Variants in NLRP11 observed in about 807,000 individuals in gnomAD.
The protein encoded by NLRP11 is NLR family pyrin domain containing 11, also known as NACHT, LRR and PYD domains-containing protein 11.
NLRP11 carries 53 observed loss-of-function variants against 79.3 expected under a neutral mutation model. That is an observed-to-expected ratio of 0.67 (90% CI 0.54 to 0.84). NLRP11 has a LOEUF of 0.84. Ranked by LOEUF, NLRP11 falls within the 40% of genes least tolerant of loss-of-function variation. The pLI, the probability that NLRP11 is intolerant of heterozygous loss-of-function variation, is 0.00. For synonymous variants in NLRP11, 518 were observed against 462.6 expected (o/e 1.12, Z -1.54); for missense variants, 1,264 against 1,255.0 (o/e 1.01, Z -0.11).
chr19:55,835,088 T>C (rs1280728050), upstream of NLRP11, among the ~76,000 whole-genome samples: 1 of 152,150 alleles, frequency 6.6e-6, no homozygotes, highest in African/African-American at 2.4e-5. Flanking sequence ...CCACAGAGAC[T>C]TGTGTTATGG....
At position 55,788,995 on chromosome 19, in the gene NLRP11, A is replaced by G; in HGVS notation, c.2685-18T>C. 6.2e-7 allele frequency: 1 copy of G among 1,613,482 alleles called. No homozygotes were observed. Among genetic ancestry groups the G allele is most frequent in the Non-Finnish European group, 8.5e-7 (1 of 1,179,522 alleles). Reference sequence around the variant, plus strand: ...CTTCTAGCCTGCAACGAAGATGCACAGGTAAGGTGGGGCCAAATCCTTGAG... The same window carrying G: ...CTTCTAGCCTGCAACGAAGATGCACGGGTAAGGTGGGGCCAAATCCTTGAG... On this transcript the variant is annotated intron_variant, in intron 8 of 9. Coordinates refer to ENST00000589093, the Ensembl canonical transcript of NLRP11.
chr19:55,812,501 T>C (rs62127046), intron 2 of NLRP11, among the ~76,000 whole-genome samples: 4,777 of 152,274 alleles, frequency 0.031, 110 homozygotes, highest in Non-Finnish European at 0.049. Flanking sequence ...TGAAAAGGTA[T>C]TCAACATCAC....
At chr19:55,805,542 T>TG (rs1269792484) in intron 4 of NLRP11, among the ~76,000 whole-genome samples, 1 of 151,820 alleles carries the variant, frequency 6.6e-6, no homozygotes, top group Non-Finnish European at 1.5e-5. Context: ...GGTTTTGTTT[T>TG]TTTTTTTAAA....
chr19:55,801,508 C>G, intron 5 of NLRP11, 64 bp downstream of exon 5: 7 of 1,358,860 alleles, frequency 5.2e-6, no homozygotes, highest in Non-Finnish European at 7.3e-6. Flanking sequence ...AGGGGCACCT[C>G]TATCCACCAA....
In NLRP11 at chr19:55,809,707, C is replaced by T. The variant is rs149331181; in HGVS notation, c.903G>A (p.Ser301=). Reference sequence around the variant, plus strand: ...TAAAATATATCTCCCTCTTCCCATTCGACAGCTGCAAGGTCGTGCAGCAAT... The same window carrying T: ...TAAAATATATCTCCCTCTTCCCATTTGACAGCTGCAAGGTCGTGCAGCAAT... The change falls in exon 3 of 10, where the codon TCG becomes TCA. Residue 301 remains serine (S), a synonymous_variant. Coordinates refer to ENST00000589093, the Ensembl canonical transcript of NLRP11. This position sits in a 1 kb window ranked among gnomAD's most constrained non-coding sequence, Gnocchi z 4.5. 22 of 1,614,150 alleles carry T rather than the reference C, an allele frequency of 1.4e-5. No homozygotes were observed. In the African/African-American group the frequency reaches 1.5e-4, roughly 11 times the overall value.
intron 6 of NLRP11, among the ~76,000 whole-genome samples, chr19:55,795,787 C>T (rs548534110): frequency 4.6e-5 from 7 of 152,072 alleles, no homozygotes; most frequent in East Asian, 1.9e-4. Flanking sequence ...CGCGTCCGGC[C>T]GTGACCACCA....
chr19:55,793,238 G>A (rs1978455059), intron 6 of NLRP11, among the ~76,000 whole-genome samples: 1 of 152,020 alleles, frequency 6.6e-6, no homozygotes, highest in Non-Finnish European at 1.5e-5. Flanking sequence ...CACTGGCAGT[G>A]AGCTGCACTT....
chr19:55,824,800 C>T lies in NLRP11; in HGVS notation c.-62-6564G>A, dbSNP rs1488135294. On this transcript the variant is annotated intron_variant, in intron 1 of 9. Transcript: ENST00000589093. ...ACCTACAAAGAGACTTACACTCCCA[C>T]GCATTAATAATGGGAGACGTTAACA... Among the ~76,000 whole-genome samples, 5 of 103,798 alleles carry T rather than the reference C, an allele frequency of 4.8e-5. 1 individual carries two copies. The East Asian group carries it at 1.4e-3, about 29-fold the overall frequency. The allele number at this position is 103,798 out of a possible 152,430, so 68.1% of individuals were successfully genotyped here. A position where few individuals can be genotyped will look rare whatever the true frequency, so the allele number is the denominator to read the frequency against.
chr19:55,822,831 G>C (rs1447558378), intron 1 of NLRP11, among the ~76,000 whole-genome samples: 1 of 152,140 alleles, frequency 6.6e-6, no homozygotes, highest in Non-Finnish European at 1.5e-5. Context: ...CAGCTAGGCT[G>C]GGGGAGGGGC....
chr19:55,789,202 A>G lies in NLRP11; in HGVS notation c.2684+27T>C, dbSNP rs545829863. 7 of 1,590,112 alleles carry G rather than the reference A, an allele frequency of 4.4e-6. No homozygotes were observed. In the South Asian group the frequency reaches 8.1e-5, roughly 18 times the overall value. ...TCTTCAGCTGTTGCTAGCTAAAGGC[A>G]GGGATCTTTCTCCACCAGGCACCTA... On this transcript the variant is annotated intron_variant, in intron 8 of 9. Coordinates refer to ENST00000589093, the Ensembl canonical transcript of NLRP11.
At chr19:55,796,816 G>A (rs1476051146) in intron 5 of NLRP11, among the ~76,000 whole-genome samples, 27 of 151,902 alleles carry the variant, frequency 1.8e-4, no homozygotes, top group Non-Finnish European at 3.4e-4. Context: ...GGCCTCCCGA[G>A]TAGCTGGGAT....
upstream of NLRP11, among the ~76,000 whole-genome samples, chr19:55,833,900 C>T (rs189018654): frequency 1.6e-3 from 233 of 149,822 alleles, no homozygotes; most frequent in African/African-American, 5.5e-3. Context: ...TGGGCAGTGG[C>T]GTAGGTGAAC....
chr19:55,832,040 C>G (rs2547284), upstream of NLRP11: 1 of 152,380 alleles, frequency 6.6e-6, no homozygotes, highest in South Asian at 2.1e-4. Context: ...GGTGCCTGCC[C>G]GGTGATTAGC....
At chr19:55,821,249 A>C (rs528618933) in intron 1 of NLRP11, among the ~76,000 whole-genome samples, 4,077 of 124,156 alleles carry the variant, frequency 0.033, 73 homozygotes, top group Non-Finnish European at 0.036. Flanking sequence ...ACACACACAC[A>C]CCCCAAGCAC....
chr19:55,811,533 C>G (rs543176054), intron 2 of NLRP11, among the ~76,000 whole-genome samples: 41 of 152,220 alleles, frequency 2.7e-4, no homozygotes, highest in South Asian at 2.1e-3. Context: ...TGGCTCCCCC[C>G]CAGTGGAGAT....
intron 9 of NLRP11, 87 bp downstream of exon 9, chr19:55,788,720 A>G (rs1990041032): frequency 2.3e-5 from 22 of 958,332 alleles, no homozygotes; most frequent in Middle Eastern, 2.4e-4. Flanking sequence ...AGCCTGGGCA[A>G]CAGAGTGAGA....
At chr19:55,814,418 C>T (rs1001743338) in intron 2 of NLRP11, among the ~76,000 whole-genome samples, 3 of 152,136 alleles carry the variant, frequency 2.0e-5, no homozygotes, top group African/African-American at 7.2e-5. Flanking sequence ...ATCTCCACCC[C>T]TTCTAGTCCA....
Position 55,809,015 on chromosome 19 carries a change from A to C in NLRP11, c.1595T>G (p.Leu532Trp), listed in dbSNP as rs1372651781. ...CGTCAACTTTTCCGGGTCACGGTCCAAATGTTTCATGTATCCCACCGAGTA... is the reference window on the plus strand; with the variant it reads ...CGTCAACTTTTCCGGGTCACGGTCCCAATGTTTCATGTATCCCACCGAGTA... The change falls in exon 3 of 10, where the codon TTG becomes TGG. Residue 532 changes from leucine (L) to tryptophan (W), a missense_variant. By Grantham distance (61) the Leu-to-Trp change is moderately conservative. Transcript: ENST00000589093. The surrounding 1 kb of genome is among the most constrained non-coding windows in gnomAD (Gnocchi z 4.5). 2.5e-6 allele frequency: 4 copies of C among 1,614,028 alleles called. No homozygotes were observed. The South Asian group carries it at 3.3e-5, about 13-fold the overall frequency.
chr19:55,829,282 A>G (rs1479983708), intron 1 of NLRP11, among the ~76,000 whole-genome samples: 3 of 152,078 alleles, frequency 2.0e-5, no homozygotes, highest in East Asian at 1.9e-4. Context: ...ATCCTATACA[A>G]TAGTATAAAA....
Sources: allele counts gnomAD v4.1 joint callset (sites outside exome capture counted in the v4.1 genomes callset), GRCh38; gene constraint gnomAD v4.1.1; non-coding constraint Gnocchi (gnomAD v3.1); transcripts MANE v1.5; gene names NCBI Gene and HGNC (gene_info 2026-07-23, HGNC 2026-07-21).